Variants in VDAC1 observed in about 807,000 individuals in gnomAD.
VDAC1 encodes non-selective voltage-gated ion channel VDAC1.
VDAC1 carries 10 observed loss-of-function variants against 34.7 expected under a neutral mutation model. That is an observed-to-expected ratio of 0.29 (90% CI 0.18 to 0.49). The LOEUF (loss-of-function observed/expected upper bound fraction) is 0.49. Ranked by LOEUF, VDAC1 falls within the 20% of genes least tolerant of loss-of-function variation. VDAC1 has a pLI of 0.99. For missense variants in VDAC1, 230 were observed against 347.9 expected (o/e 0.66, Z 2.69); for synonymous variants, 130 against 136.0 (o/e 0.96, Z 0.30).
chr5:134,070,365 G>A, the VDAC1 span, among the ~76,000 whole-genome samples: 1 of 152,074 alleles, frequency 6.6e-6, no homozygotes, highest in African/African-American at 2.4e-5. Flanking sequence ...CCTAGTCCAA[G>A]AGCTAGGCTG....
At chr5:134,033,190 C>T in the VDAC1 span, among the ~76,000 whole-genome samples, 1 of 136,666 alleles carries the variant, frequency 7.3e-6, no homozygotes, top group African/African-American at 2.8e-5. Flanking sequence ...CGGCGTCTGG[C>T]TCTGTCACCC....
chr5:134,069,586 G>T, the VDAC1 span, among the ~76,000 whole-genome samples: 2 of 152,134 alleles, frequency 1.3e-5, no homozygotes, highest in African/African-American at 4.8e-5. Flanking sequence ...CAGACCCGGA[G>T]CCTCTAGGAG....
the VDAC1 span, among the ~76,000 whole-genome samples, chr5:134,105,521 A>T: frequency 6.6e-6 from 1 of 152,222 alleles, no homozygotes; most frequent in African/African-American, 2.4e-5. Context: ...TTCTCGCTAC[A>T]TGAGTGTTCC....
the VDAC1 span, among the ~76,000 whole-genome samples, chr5:134,112,092 G>A: frequency 1.3e-3 from 197 of 152,288 alleles, no homozygotes; most frequent in Admixed American, 2.4e-3. Flanking sequence ...CTCCTGTGGG[G>A]CCGCACCAAC....
chr5:134,101,399 G>C, the VDAC1 span, among the ~76,000 whole-genome samples: 3 of 152,046 alleles, frequency 2.0e-5, no homozygotes, highest in East Asian at 5.8e-4. Flanking sequence ...AGACCAGCCC[G>C]GCCAACATGG....
At chr5:134,013,211 C>A in the VDAC1 span, among the ~76,000 whole-genome samples, 2 of 152,056 alleles carry the variant, frequency 1.3e-5, no homozygotes, top group Non-Finnish European at 2.9e-5. Flanking sequence ...ACTAAGTCCT[C>A]CAAAGCAGTT....
the VDAC1 span, among the ~76,000 whole-genome samples, chr5:134,044,531 C>T: frequency 6.6e-6 from 1 of 152,344 alleles, no homozygotes; most frequent in Middle Eastern, 3.4e-3. Flanking sequence ...GAAGTGTCCT[C>T]TCTTCCTTCA....
chr5:134,103,788 C>T, the VDAC1 span, among the ~76,000 whole-genome samples: 1 of 152,258 alleles, frequency 6.6e-6, no homozygotes, highest in Non-Finnish European at 1.5e-5. Context: ...CAGGCCAGAA[C>T]ACCACACTAT....
chr5:134,092,666 A>G, the VDAC1 span, among the ~76,000 whole-genome samples: 3 of 146,644 alleles, frequency 2.0e-5, no homozygotes, highest in Non-Finnish European at 4.5e-5. Context: ...ACAGTGCAAG[A>G]TTCCGTCTCA....
At chr5:134,039,471 G>C in the VDAC1 span, among the ~76,000 whole-genome samples, 1 of 151,888 alleles carries the variant, frequency 6.6e-6, no homozygotes, top group South Asian at 2.1e-4. Context: ...TGGGACTACA[G>C]GCTCCTGCCA....
the VDAC1 span, among the ~76,000 whole-genome samples, chr5:134,048,276 TTC>T: frequency 1.5e-4 from 23 of 151,714 alleles, no homozygotes; most frequent in Non-Finnish European, 3.2e-4. Context: ...CCTTTTTTTT[TTC>T]TCTCTTTTGA....
the VDAC1 span, among the ~76,000 whole-genome samples, chr5:134,106,848 C>T: frequency 3.3e-5 from 5 of 152,236 alleles, no homozygotes; most frequent in African/African-American, 9.6e-5. Context: ...AGGCTCTCTT[C>T]TCTCCTATTT....
At chr5:134,022,165 C>T in the VDAC1 span, among the ~76,000 whole-genome samples, 4 of 152,318 alleles carry the variant, frequency 2.6e-5, no homozygotes, top group East Asian at 7.7e-4. Flanking sequence ...AGGCGTGAGC[C>T]ACTGTGCCCA....
the VDAC1 span, among the ~76,000 whole-genome samples, chr5:134,095,442 C>T: frequency 6.6e-6 from 1 of 151,940 alleles, no homozygotes. Flanking sequence ...ATGATTGCAT[C>T]ACTGCACCCC....
the VDAC1 span, among the ~76,000 whole-genome samples, chr5:134,054,703 C>T: frequency 5.0e-4 from 76 of 152,192 alleles, no homozygotes; most frequent in Admixed American, 4.0e-3. Flanking sequence ...TCAGGTGATC[C>T]GCCCACCTTG....
chr5:134,007,718 T>C (rs1332007717), upstream of VDAC1, among the ~76,000 whole-genome samples: 1 of 152,188 alleles, frequency 6.6e-6, no homozygotes, highest in African/African-American at 2.4e-5. Flanking sequence ...GACCTGGGTC[T>C]GGCATCCCTG....
chr5:134,113,707 C>T, the VDAC1 span, among the ~76,000 whole-genome samples: 2 of 152,236 alleles, frequency 1.3e-5, no homozygotes, highest in East Asian at 1.9e-4. Flanking sequence ...CCCGCGTGGA[C>T]GCAGACCCGG....
the VDAC1 span, among the ~76,000 whole-genome samples, chr5:134,098,473 C>T: frequency 6.6e-6 from 1 of 152,198 alleles, no homozygotes; most frequent in Non-Finnish European, 1.5e-5. Context: ...GATCTGCCTG[C>T]CTCAGCCTCC....
At chr5:134,026,214 A>G in the VDAC1 span, among the ~76,000 whole-genome samples, 26 of 152,188 alleles carry the variant, frequency 1.7e-4, no homozygotes, top group Non-Finnish European at 3.7e-4. Context: ...CTTTTTTTAA[A>G]CATCACTAAA....
Sources: allele counts gnomAD v4.1 joint callset (sites outside exome capture counted in the v4.1 genomes callset), GRCh38; gene constraint gnomAD v4.1.1; transcripts MANE v1.5; gene names NCBI Gene and HGNC (gene_info 2026-07-23, HGNC 2026-07-21).